Variants in NCMAP observed in about 807,000 individuals in gnomAD.
The protein encoded by NCMAP is noncompact myelin-associated protein.
NCMAP carries 8 observed loss-of-function variants against 7.8 expected under a neutral mutation model. That is an observed-to-expected ratio of 1.02 (90% CI 0.60 to 1.84). NCMAP has a LOEUF of 1.84. Ranked by LOEUF, NCMAP falls within the 40% of genes most tolerant of loss-of-function variation. The probability of loss-of-function intolerance (pLI) is 0.00; values close to 1 mark genes in which losing one functional copy is unlikely to be tolerated. For synonymous variants in NCMAP, 41 were observed against 52.9 expected (o/e 0.78, Z 0.98); for missense variants, 112 against 131.4 (o/e 0.85, Z 0.72).
chr1:24,577,404 T>TTG (rs1557596516), intron 1 of NCMAP, among the ~76,000 whole-genome samples: 1 of 93,064 alleles, frequency 1.1e-5, no homozygotes, highest in Non-Finnish European at 2.4e-5. Flanking sequence ...TGGCCTTGTT[T>TTG]TTTTTTTTTT....
chr1:24,581,122 CTT>C (rs5773095), intron 1 of NCMAP, among the ~76,000 whole-genome samples: 3 of 141,956 alleles, frequency 2.1e-5, no homozygotes, highest in Non-Finnish European at 3.1e-5. Context: ...GTCCTTTCTG[CTT>C]TTTTTTTTTT....
chr1:24,558,018 G>C (rs1650955721), intron 1 of NCMAP, among the ~76,000 whole-genome samples: 1 of 152,206 alleles, frequency 6.6e-6, no homozygotes, highest in South Asian at 2.1e-4. Flanking sequence ...TTGAGGTAGA[G>C]CCACTCTAAG....
intron 3 of NCMAP, among the ~76,000 whole-genome samples, chr1:24,602,876 T>A (rs1652557784): frequency 6.6e-6 from 1 of 151,366 alleles, no homozygotes; most frequent in African/African-American, 2.4e-5. Flanking sequence ...CCATCTCTAC[T>A]GAAAATACAA....
intron 1 of NCMAP, among the ~76,000 whole-genome samples, chr1:24,584,941 G>A (rs999008002): frequency 7.0e-6 from 1 of 143,230 alleles, no homozygotes; most frequent in Non-Finnish European, 1.5e-5. Flanking sequence ...AGAAGAACGG[G>A]TGGAAGGACT....
Position 24,595,425 on chromosome 1 carries a change from A to T in NCMAP, c.-6A>T. On this transcript the variant is annotated splice_region_variant and 5_prime_UTR_variant, in exon 2 of 4. Coordinates refer to ENST00000374392, the MANE Select transcript of NCMAP (RefSeq NM_001010980.5). ...AAATATCTTCTTCTTTCTCATCAGG[A>T]TCGAGATGACCACAGCCACCCCTCT... The T allele has an allele frequency of 1.2e-6, 2 of 1,606,402 alleles. No individual in the cohort carries two copies. Among genetic ancestry groups the T allele is most frequent in the South Asian group, 2.2e-5 (2 of 90,850 alleles).
intron 1 of NCMAP, among the ~76,000 whole-genome samples, chr1:24,578,440 T>G (rs1651652490): frequency 9.0e-6 from 1 of 110,970 alleles, no homozygotes; most frequent in Admixed American, 1.1e-4. Flanking sequence ...ACAGAGGGTG[T>G]GTGGTGTGGT....
At chr1:24,579,025 C>T (rs188805584) in intron 1 of NCMAP, among the ~76,000 whole-genome samples, 7 of 152,254 alleles carry the variant, frequency 4.6e-5, no homozygotes, top group East Asian at 3.9e-4. Context: ...GCTGGTTACC[C>T]GCAGACTGTG....
chr1:24,601,089 A>G, intron 3 of NCMAP, 65 bp downstream of exon 3: 1 of 1,325,040 alleles, frequency 7.5e-7, no homozygotes, highest in Non-Finnish European at 1.1e-6. Flanking sequence ...AATAAATGGG[A>G]GGTGATATAT....
intron 3 of NCMAP, among the ~76,000 whole-genome samples, chr1:24,604,709 T>C (rs72886147): frequency 0.017 from 2,053 of 120,174 alleles, 77 homozygotes; most frequent in African/African-American, 0.072. Flanking sequence ...TGGCCAGGCA[T>C]AGTGGCACAC....
At chr1:24,601,134 C>G (rs4378146) in intron 3 of NCMAP, 110 bp downstream of exon 3, 6 of 839,032 alleles carry the variant, frequency 7.2e-6, no homozygotes, top group Admixed American at 1.9e-5. Flanking sequence ...TATCCCTCAG[C>G]CTTTAGTAAA....
chr1:24,605,755 C>T lies in NCMAP; in HGVS notation c.*8C>T. On this transcript the variant is annotated 3_prime_UTR_variant, in exon 4 of 4. Transcript: ENST00000374392. ...CAGGTGGAGACGCGATGACCTCTACCCTGGCGCTATCTCCACCACTGTCCA... is the reference window on the plus strand; with the variant it reads ...CAGGTGGAGACGCGATGACCTCTACTCTGGCGCTATCTCCACCACTGTCCA... 1 of 1,614,104 alleles carries T rather than the reference C, an allele frequency of 6.2e-7. No individual in the cohort carries two copies. The highest frequency in any genetic ancestry group is 8.5e-7 in the Non-Finnish European group (1 of 1,179,990).
rs540408904 is a variant in NCMAP at position 24,556,903 on chromosome 1, C to T, written c.-8+734C>T. On this transcript the variant is annotated intron_variant, in intron 1 of 3. Coordinates refer to ENST00000374392, the MANE Select transcript of NCMAP (RefSeq NM_001010980.5). ...AAAGGAAAGGTGGTGGTTAGGGCAGCGCTTTGGAGTCCCTGCTTTACCCCT... is the reference window on the plus strand; with the variant it reads ...AAAGGAAAGGTGGTGGTTAGGGCAGTGCTTTGGAGTCCCTGCTTTACCCCT... 2.6e-3 allele frequency among the ~76,000 whole-genome samples: 399 copies of T among 152,200 alleles called. 1 individual carries two copies. Among genetic ancestry groups the T allele is most frequent in the Middle Eastern group, 0.014 (4 of 292 alleles).
intron 1 of NCMAP, among the ~76,000 whole-genome samples, chr1:24,582,505 G>C (rs1651773566): frequency 6.6e-6 from 1 of 152,166 alleles, no homozygotes; most frequent in Non-Finnish European, 1.5e-5. Flanking sequence ...GAGGGTCACA[G>C]AGAGAGGAAG....
chr1:24,585,740 C>T (rs1651864409), intron 1 of NCMAP, among the ~76,000 whole-genome samples: 1 of 152,200 alleles, frequency 6.6e-6, no homozygotes, highest in South Asian at 2.1e-4. Context: ...CTGTGTCCCA[C>T]CGGTCCCATC....
intron 1 of NCMAP, among the ~76,000 whole-genome samples, chr1:24,573,391 C>T (rs192306420): frequency 1.1e-4 from 17 of 150,736 alleles, no homozygotes; most frequent in Non-Finnish European, 1.9e-4. Flanking sequence ...AGTTCAAGAC[C>T]AACCTGGCCA....
At chr1:24,605,009 C>T (rs558137721) in intron 3 of NCMAP, among the ~76,000 whole-genome samples, 6 of 151,344 alleles carry the variant, frequency 4.0e-5, no homozygotes, top group African/African-American at 9.7e-5. Context: ...CCAGCTACTC[C>T]GGAGGCTGAG....
intron 1 of NCMAP, among the ~76,000 whole-genome samples, chr1:24,575,915 CAAAAAAAAAAAA>C (rs10549961): frequency 3.8e-5 from 3 of 79,544 alleles, no homozygotes; most frequent in Middle Eastern, 6.3e-3. Context: ...ATTGCACTCT[CAAAAAAAAAAAA>C]AAAAAAAAAA....
intron 1 of NCMAP, among the ~76,000 whole-genome samples, chr1:24,565,570 G>C (rs947162869): frequency 2.7e-4 from 31 of 114,176 alleles, no homozygotes; most frequent in Non-Finnish European, 5.0e-4. Context: ...AGTGATAGAA[G>C]ATTGTGTGTG....
intron 1 of NCMAP, among the ~76,000 whole-genome samples, chr1:24,585,192 G>A (rs749732735): frequency 9.9e-5 from 15 of 152,106 alleles, no homozygotes; most frequent in Non-Finnish European, 2.1e-4. Flanking sequence ...CAGGGCAGAC[G>A]GGGTGGGGAG....
Sources: gnomAD v4.1 joint callset for allele counts (sites outside exome capture counted in the v4.1 genomes callset) on GRCh38, gnomAD v4.1.1 for gene constraint, MANE v1.5 for transcripts, NCBI Gene and HGNC (gene_info 2026-07-23, HGNC 2026-07-21) for gene names.